EIPR1: variants seen among roughly 807,000 people sequenced by gnomAD.
The protein encoded by EIPR1 is EARP complex and GARP complex interacting protein 1.
In EIPR1, 25 loss-of-function variants were observed where a neutral mutation model predicts 48.1. The ratio of observed to expected loss-of-function variants is 0.52; its 90% CI spans 0.38 to 0.73. The LOEUF is 0.73. Ranked by LOEUF, EIPR1 falls within the 30% of genes least tolerant of loss-of-function variation. EIPR1 has a pLI of 0.00. For synonymous variants in EIPR1, 204 were observed against 201.9 expected (o/e 1.01, Z -0.09); for missense variants, 415 against 506.2 (o/e 0.82, Z 1.73).
At position 3,306,824 on chromosome 2, in the gene EIPR1, A is replaced by AC. The variant is rs530336549; in HGVS notation, c.259+31192dup. Among the ~76,000 whole-genome samples, 141 of 151,374 alleles carry AC rather than the reference A, an allele frequency of 9.3e-4. 2 individuals are homozygous for AC. The Middle Eastern group carries it at 0.024, about 26-fold the overall frequency. On this transcript the variant is annotated intron_variant, in intron 3 of 8. Transcript: ENST00000382125. The stretch of plus-strand genomic sequence containing the variant: ...CAGAAGAAAATCCATGCGTAAGTGG[A>AC]CCCCCCCAGTCCAAACCCATGTTGT...
intron 3 of EIPR1, among the ~76,000 whole-genome samples, chr2:3,333,063 G>A (rs1669945607): frequency 6.6e-6 from 1 of 152,214 alleles, no homozygotes; most frequent in Non-Finnish European, 1.5e-5. Flanking sequence ...GTGGGCGCCA[G>A]ATCCTTCAGC....
At chr2:3,326,010 C>T (rs1478405911) in intron 3 of EIPR1, among the ~76,000 whole-genome samples, 1 of 152,200 alleles carries the variant, frequency 6.6e-6, no homozygotes, top group African/African-American at 2.4e-5. Context: ...GCTTTGTTGC[C>T]TGTGCCAGGG....
At chr2:3,222,283 G>A (rs1424823302) in intron 4 of EIPR1, among the ~76,000 whole-genome samples, 2 of 152,220 alleles carry the variant, frequency 1.3e-5, no homozygotes, top group African/African-American at 4.8e-5. Context: ...GCAGGAAATC[G>A]TGGTGTGCTA....
At chr2:3,207,738 G>A (rs993696109) in intron 5 of EIPR1, 2 of 152,170 alleles carry the variant, frequency 1.3e-5, no homozygotes, top group African/African-American at 4.8e-5. Flanking sequence ...GGAAAAAGAC[G>A]CTCAGTTGCT....
intron 3 of EIPR1, among the ~76,000 whole-genome samples, chr2:3,296,959 A>G (rs1045993401): frequency 1.3e-5 from 2 of 152,246 alleles, no homozygotes; most frequent in African/African-American, 2.4e-5. Context: ...TTTCCAATTA[A>G]GAGCTAATCT....
chr2:3,351,957 C>T (rs573495408), intron 2 of EIPR1, among the ~76,000 whole-genome samples: 3 of 152,224 alleles, frequency 2.0e-5, no homozygotes, highest in Non-Finnish European at 4.4e-5. Context: ...CCACCCGAAA[C>T]GTGAGTCATC....
chr2:3,342,479 C>T (rs948203516), intron 2 of EIPR1, among the ~76,000 whole-genome samples: 2 of 152,262 alleles, frequency 1.3e-5, no homozygotes, highest in African/African-American at 2.4e-5. Context: ...CAGGCGCAGC[C>T]GGGGGCTTTC....
intron 4 of EIPR1, among the ~76,000 whole-genome samples, chr2:3,224,014 A>G (rs1238189268): frequency 3.9e-5 from 6 of 152,150 alleles, no homozygotes; most frequent in African/African-American, 1.2e-4. Context: ...TAAATGCAAA[A>G]CAAAGCTCAC....
Position 3,377,660 on chromosome 2 carries a change from C to T in EIPR1, c.30G>A (p.Gly10=), listed in dbSNP as rs1659945826. 6.3e-7 allele frequency: 1 copy of T among 1,579,394 alleles called. No homozygotes were observed. The highest frequency in any genetic ancestry group is 1.3e-5 in the African/African-American group (1 of 74,122). ...CCCAGTGACCCACCTGGAACTCCAG[C>T]CCGTAGATCACTGGTGCATCGTCCT... is the stretch of plus-strand genomic sequence containing the variant. MEDDAPVIY[G]LEFQARALTP... Residue 10 remains glycine (G), a synonymous_variant, in exon 1 of 9, where the codon GGG becomes GGA. Transcript: ENST00000382125.
intron 3 of EIPR1, among the ~76,000 whole-genome samples, chr2:3,294,669 C>T (rs146259671): frequency 0.013 from 1,798 of 142,048 alleles, 56 homozygotes; most frequent in African/African-American, 0.046. Flanking sequence ...ACCCTCCATC[C>T]AGCCCGTCCT....
At chr2:3,257,266 C>G (rs376083382) in intron 4 of EIPR1, 33 bp downstream of exon 4, 3 of 1,592,048 alleles carry the variant, frequency 1.9e-6, no homozygotes, top group Middle Eastern at 1.7e-4. Flanking sequence ...CCTGCAGGCT[C>G]GTTCTGGGCG....
In EIPR1 at chr2:3,341,095, C is replaced by CAAAAAAAAAAA. The variant is rs55667121; in HGVS notation, c.127-2957_127-2947dup. ...TGGGTGACAGAGTGAGATCCTGTCT[C>CAAAAAAAAAAA]AAAAAAAAAAAAAAAAAAAAAAAAA... On this transcript the variant is annotated intron_variant, in intron 2 of 8. Transcript: ENST00000382125. Among the ~76,000 whole-genome samples the CAAAAAAAAAAA allele has an allele frequency of 5.6e-3, 125 of 22,128 alleles. 2 individuals carry two copies. The highest frequency in any genetic ancestry group is 9.2e-3 in the Non-Finnish European group (91 of 9,932). 14.5% of individuals were successfully genotyped at this position (22,128 alleles called of 152,430 possible).
intron 3 of EIPR1, among the ~76,000 whole-genome samples, chr2:3,263,765 CAGTAA>C (rs1667406264): frequency 6.6e-6 from 1 of 152,182 alleles, no homozygotes; most frequent in Non-Finnish European, 1.5e-5. Flanking sequence ...TTCCTTGCCC[CAGTAA>C]TAGCACACAG....
chr2:3,213,690 AAG>A (rs1236555125), intron 5 of EIPR1, among the ~76,000 whole-genome samples: 3 of 152,200 alleles, frequency 2.0e-5, no homozygotes, highest in African/African-American at 7.2e-5. Context: ...CATATCTCAC[AAG>A]CCCTGAGTGA....
intron 4 of EIPR1, among the ~76,000 whole-genome samples, chr2:3,228,264 G>A (rs1366573217): frequency 6.6e-6 from 1 of 152,262 alleles, no homozygotes; most frequent in East Asian, 1.9e-4. Context: ...CTGCATGTGA[G>A]ACATGGAGTC....
chr2:3,376,895 A>G (rs185097317), intron 1 of EIPR1, among the ~76,000 whole-genome samples: 1 of 152,126 alleles, frequency 6.6e-6, no homozygotes, highest in African/African-American at 2.4e-5. Context: ...CACAATCCTC[A>G]TCTTCCTCCC....
intron 2 of EIPR1, among the ~76,000 whole-genome samples, chr2:3,338,841 C>T (rs560322341): frequency 6.6e-6 from 1 of 152,328 alleles, no homozygotes; most frequent in Middle Eastern, 3.4e-3. Context: ...AAAATGATTT[C>T]ACATTTAATT....
At chr2:3,336,794 GGAAAA>G (rs1191291095) in intron 3 of EIPR1, among the ~76,000 whole-genome samples, 8 of 147,020 alleles carry the variant, frequency 5.4e-5, no homozygotes, top group Non-Finnish European at 1.0e-4. Context: ...GAAAAGGAAA[GGAAAA>G]GAAAAGAAAA....
chr2:3,252,270 G>A (rs1477957679), intron 4 of EIPR1, among the ~76,000 whole-genome samples: 4 of 152,114 alleles, frequency 2.6e-5, no homozygotes, highest in Non-Finnish European at 5.9e-5. Flanking sequence ...CGGGAGTACT[G>A]AGCAGCGGCA....
Sources: gnomAD v4.1 joint callset for allele counts (sites outside exome capture counted in the v4.1 genomes callset) on GRCh38, gnomAD v4.1.1 for gene constraint, MANE v1.5 for transcripts, NCBI Gene and HGNC (gene_info 2026-07-23, HGNC 2026-07-21) for gene names.